The following MCPH1 variants were observed in gnomAD, a reference collection of about 807,000 sequenced individuals.
The protein encoded by MCPH1 is microcephalin.
MCPH1 carries 104 observed loss-of-function variants against 84.5 expected under a neutral mutation model. The ratio of observed to expected loss-of-function variants is 1.23; its 90% CI spans 1.05 to 1.45. The LOEUF is 1.45. Among genes scored for constraint, MCPH1 ranks in the 40% most tolerant of loss-of-function variants. The probability of loss-of-function intolerance (pLI) is 0.00; values close to 1 mark genes in which losing one functional copy is unlikely to be tolerated. For missense variants in MCPH1, 1,498 were observed against 1,005.7 expected (o/e 1.49, Z -6.62); for synonymous variants, 514 against 366.8 (o/e 1.40, Z -4.58).
At chr8:6,554,423 C>G (rs1824227525) in intron 12 of MCPH1, among the ~76,000 whole-genome samples, 2 of 152,096 alleles carry the variant, frequency 1.3e-5, no homozygotes, top group African/African-American at 4.8e-5. Context: ...ATGATTGCTT[C>G]TCTATGAGAC....
intron 12 of MCPH1, among the ~76,000 whole-genome samples, chr8:6,520,893 G>T (rs753753978): frequency 6.6e-6 from 1 of 152,166 alleles, no homozygotes; most frequent in Non-Finnish European, 1.5e-5. Flanking sequence ...ATCGGCTGTG[G>T]TTTAGTAATT....
intron 9 of MCPH1, among the ~76,000 whole-genome samples, chr8:6,460,204 G>C (rs1447277617): frequency 6.6e-6 from 1 of 151,884 alleles, no homozygotes; most frequent in Non-Finnish European, 1.5e-5. Context: ...TATAGCCCAT[G>C]TCTCATGATT....
chr8:6,529,893 A>C (rs371634446), intron 12 of MCPH1, among the ~76,000 whole-genome samples: 6 of 127,122 alleles, frequency 4.7e-5, no homozygotes, highest in Non-Finnish European at 7.1e-5. Flanking sequence ...TTTTTTTTTT[A>C]AATCATATGA....
chr8:6,560,385 A>G (rs1825339487), intron 12 of MCPH1, among the ~76,000 whole-genome samples: 1 of 152,306 alleles, frequency 6.6e-6, no homozygotes, highest in South Asian at 2.1e-4. Context: ...TTTCTTCCTC[A>G]TGAGAAAATC....
intron 9 of MCPH1, among the ~76,000 whole-genome samples, chr8:6,473,367 G>A (rs1449283496): frequency 9.1e-6 from 1 of 109,872 alleles, no homozygotes; most frequent in Non-Finnish European, 1.7e-5. Context: ...GTCGGGCTCT[G>A]TTGCCCAGGC....
chr8:6,535,042 A>G (rs1313771698), intron 12 of MCPH1, among the ~76,000 whole-genome samples: 1 of 152,230 alleles, frequency 6.6e-6, no homozygotes, highest in African/African-American at 2.4e-5. Flanking sequence ...GCTTGGAACT[A>G]TAGAGATAGA....
chr8:6,473,007 A>G (rs1389485837), intron 9 of MCPH1, among the ~76,000 whole-genome samples: 1 of 152,212 alleles, frequency 6.6e-6, no homozygotes, highest in Non-Finnish European at 1.5e-5. Flanking sequence ...TGAATACTCA[A>G]GGGTAAAATA....
chr8:6,436,483 T>C (rs548029316), intron 5 of MCPH1, among the ~76,000 whole-genome samples: 30 of 152,320 alleles, frequency 2.0e-4, no homozygotes, highest in African/African-American at 7.0e-4. Flanking sequence ...TTATTTCTTC[T>C]TTATATATAA....
rs534009867 is a variant in MCPH1, at chr8:6,605,935, G to C, written c.2215-15519G>C. Among the ~76,000 whole-genome samples, 11 of 152,234 alleles carry C rather than the reference G, an allele frequency of 7.2e-5. No individual in the cohort carries two copies. In the South Asian group the frequency reaches 2.3e-3, roughly 32 times the overall value. ...TGGTCTCGAATGCCTGACCTCAAGT[G>C]ATCTACCCCCCTTGGCCCCCCAGAA... is the stretch of plus-strand genomic sequence containing the variant. On this transcript the variant is annotated intron_variant, in intron 12 of 13. Coordinates refer to ENST00000344683, the MANE Select transcript of MCPH1 (RefSeq NM_024596.5).
intron 11 of MCPH1, chr8:6,499,610 C>A (rs767390934): frequency 1.7e-5 from 7 of 415,646 alleles, no homozygotes; most frequent in Non-Finnish European, 2.6e-5. Context: ...AATATCTGAC[C>A]TCATGAGAAT....
At chr8:6,638,553 C>A (rs527685356) in intron 13 of MCPH1, among the ~76,000 whole-genome samples, 1 of 150,662 alleles carries the variant, frequency 6.6e-6, no homozygotes, top group Non-Finnish European at 1.5e-5. Flanking sequence ...CCTGCCAAGA[C>A]CTGCTAAATA....
chr8:6,550,740 G>T (rs1263979816), intron 12 of MCPH1, among the ~76,000 whole-genome samples: 1 of 152,162 alleles, frequency 6.6e-6, no homozygotes, highest in African/African-American at 2.4e-5. Context: ...GAGTTTTGCG[G>T]CCTGTGTACG....
chr8:6,422,477 G>A (rs1330630740), intron 3 of MCPH1, among the ~76,000 whole-genome samples: 1 of 152,162 alleles, frequency 6.6e-6, no homozygotes, highest in African/African-American at 2.4e-5. Flanking sequence ...ACCTAATAGG[G>A]CCTCTCAGCT....
intron 11 of MCPH1, among the ~76,000 whole-genome samples, chr8:6,486,243 T>A (rs768385538): frequency 6.6e-6 from 1 of 150,830 alleles, no homozygotes; most frequent in Middle Eastern, 3.4e-3. Context: ...ATTATATACA[T>A]TGACTTTGTG....
intron 12 of MCPH1, chr8:6,615,946 T>C (rs1830745518): frequency 6.6e-6 from 1 of 152,192 alleles, no homozygotes; most frequent in South Asian, 2.1e-4. Flanking sequence ...CTGAAATATT[T>C]ATTTAATACC....
At chr8:6,498,185 A>G (rs1811494644) in intron 11 of MCPH1, among the ~76,000 whole-genome samples, 1 of 152,254 alleles carries the variant, frequency 6.6e-6, no homozygotes, top group African/African-American at 2.4e-5. Context: ...CAAGATGCTG[A>G]ATTCCTGTTG....
At chr8:6,429,747 A>G (rs564044939) in intron 3 of MCPH1, among the ~76,000 whole-genome samples, 8 of 151,908 alleles carry the variant, frequency 5.3e-5, no homozygotes, top group African/African-American at 1.9e-4. Context: ...CCCCCTCCCC[A>G]TCTTAGTCCC....
chr8:6,503,195 G>A (rs773887087), intron 12 of MCPH1: 1 of 1,614,014 alleles, frequency 6.2e-7, no homozygotes, highest in African/African-American at 1.3e-5. Context: ...GAACTTATTT[G>A]TGTTCTGCCT....
At chr8:6,554,321 G>A (rs976784173) in intron 12 of MCPH1, among the ~76,000 whole-genome samples, 1 of 151,356 alleles carries the variant, frequency 6.6e-6, no homozygotes, top group Non-Finnish European at 1.5e-5. Flanking sequence ...AAAAAAAAAT[G>A]GAAAGGCTGG....
Sources: gnomAD v4.1 joint callset for allele counts (sites outside exome capture counted in the v4.1 genomes callset) on GRCh38, gnomAD v4.1.1 for gene constraint, MANE v1.5 for transcripts, NCBI Gene and HGNC (gene_info 2026-07-23, HGNC 2026-07-21) for gene names.